KIAA1549L: variants seen among roughly 807,000 people sequenced by gnomAD.
KIAA1549L encodes UPF0606 protein KIAA1549L.
KIAA1549L carries 88 observed loss-of-function variants against 160.7 expected under a neutral mutation model. That is an observed-to-expected ratio of 0.55 (90% CI 0.46 to 0.65). KIAA1549L has a LOEUF of 0.65. Among genes scored for constraint, KIAA1549L ranks in the 30% least tolerant of loss-of-function variants. KIAA1549L has a pLI of 0.00. For missense variants in KIAA1549L, 2,258 were observed against 2,437.5 expected (o/e 0.93, Z 1.55); for synonymous variants, 950 against 976.7 (o/e 0.97, Z 0.51).
At chr11:33,474,400 G>T (rs1156644257) in intron 1 of KIAA1549L, among the ~76,000 whole-genome samples, 1 of 152,166 alleles carries the variant, frequency 6.6e-6, no homozygotes, top group Non-Finnish European at 1.5e-5. Context: ...CCTTTCCCTT[G>T]CTCGTTGCTC....
intron 1 of KIAA1549L, among the ~76,000 whole-genome samples, chr11:33,386,251 A>G (rs1173997083): frequency 6.6e-6 from 1 of 152,190 alleles, no homozygotes; most frequent in Admixed American, 6.5e-5. Flanking sequence ...GGCTGAGGAA[A>G]TTCCCTTCTC....
intron 20 of KIAA1549L, among the ~76,000 whole-genome samples, chr11:33,664,165 A>T (rs535060843): frequency 2.9e-4 from 44 of 152,326 alleles, no homozygotes; most frequent in African/African-American, 9.9e-4. Flanking sequence ...GGGAAATCAA[A>T]GTCCCAACTT....
At chr11:33,471,572 G>C (rs1247102283) in intron 1 of KIAA1549L, among the ~76,000 whole-genome samples, 1 of 151,974 alleles carries the variant, frequency 6.6e-6, no homozygotes, top group Non-Finnish European at 1.5e-5. Context: ...TTCCTTCTTA[G>C]AAGTCTCATT....
intron 1 of KIAA1549L, among the ~76,000 whole-genome samples, chr11:33,432,689 C>G (rs1851274611): frequency 6.6e-6 from 1 of 152,164 alleles, no homozygotes; most frequent in South Asian, 2.1e-4. Context: ...AACTATACTA[C>G]AAGTCTACAG....
intron 1 of KIAA1549L, among the ~76,000 whole-genome samples, chr11:33,405,304 A>G (rs1191365432): frequency 6.6e-6 from 1 of 152,178 alleles, no homozygotes; most frequent in Admixed American, 6.5e-5. Flanking sequence ...AAAGAATATA[A>G]CAGAAAACCA....
At chr11:33,604,049 A>G (rs72915037) in intron 13 of KIAA1549L, among the ~76,000 whole-genome samples, 2,576 of 152,240 alleles carry the variant, frequency 0.017, 36 homozygotes, top group Non-Finnish European at 0.029. Context: ...TATTTTAGGG[A>G]TAGAGGGAGA....
chr11:33,553,939 G>A (rs1312011095), intron 6 of KIAA1549L, among the ~76,000 whole-genome samples: 4 of 152,212 alleles, frequency 2.6e-5, no homozygotes, highest in Non-Finnish European at 5.9e-5. Context: ...GATAGGAGGT[G>A]ATTCGAAGAT....
At chr11:33,655,912 G>A (rs1852047977) in intron 17 of KIAA1549L, 100 bp from the exon 18 acceptor site, 1 of 780,846 alleles carries the variant, frequency 1.3e-6, no homozygotes, top group Non-Finnish European at 2.2e-6. Context: ...GGCAGAGTCT[G>A]ACCCTTGGAA....
intron 1 of KIAA1549L, among the ~76,000 whole-genome samples, chr11:33,441,491 G>A (rs1319100370): frequency 6.1e-5 from 6 of 97,810 alleles, no homozygotes; most frequent in East Asian, 2.4e-4. Flanking sequence ...CTGAGGAATC[G>A]CCACACGACT....
At chr11:33,655,914 C>A (rs1852048062) in intron 17 of KIAA1549L, 98 bp from the exon 18 acceptor site, 1 of 789,148 alleles carries the variant, frequency 1.3e-6, no homozygotes, top group South Asian at 1.5e-5. Context: ...CAGAGTCTGA[C>A]CCTTGGAAGT....
chr11:33,455,904 C>T (rs2132984387), intron 1 of KIAA1549L, among the ~76,000 whole-genome samples: 1 of 152,292 alleles, frequency 6.6e-6, no homozygotes, highest in South Asian at 2.1e-4. Context: ...GTTTCTTTCT[C>T]ACATACATGT....
Position 33,544,932 on chromosome 11 carries a change from C to G in KIAA1549L, c.2939C>G (p.Thr980Ser), listed in dbSNP as rs1854186352. ...CCAGCTAAGAGCAGTTCGATGACTA[C>G]TCTTGCTAAAAATGTCACAAACAAG... ...SGPAKSSSMT[T>S]LAKNVTNKAA... Residue 980 changes from threonine to serine, a missense_variant, in exon 3 of 21, where the codon ACT becomes AGT. Thr to Ser is a moderately conservative substitution (Grantham distance 58). Transcript: ENST00000658780. 1 of 1,613,608 alleles carries G rather than the reference C, an allele frequency of 6.2e-7. No homozygotes were observed. Among genetic ancestry groups the G allele is most frequent in the Non-Finnish European group, 8.5e-7 (1 of 1,179,694 alleles).
chr11:33,583,607 C>G, intron 11 of KIAA1549L, 106 bp downstream of exon 11: 4 of 1,005,678 alleles, frequency 4.0e-6, no homozygotes, highest in Middle Eastern at 2.5e-4. Context: ...GCAGAAACAT[C>G]AGGGCAGGTC....
At chr11:33,624,554 A>T (rs906860295) in intron 16 of KIAA1549L, among the ~76,000 whole-genome samples, 7 of 152,150 alleles carry the variant, frequency 4.6e-5, no homozygotes, top group Non-Finnish European at 8.8e-5. Flanking sequence ...AAATTCAGTA[A>T]TACGAGTCCT....
chr11:33,463,834 C>G (rs1185982198), intron 1 of KIAA1549L, among the ~76,000 whole-genome samples: 1 of 152,200 alleles, frequency 6.6e-6, no homozygotes, highest in Admixed American at 6.5e-5. Context: ...CCATTATTAA[C>G]AATGAATTTT....
chr11:33,585,806 A>G (rs952008919), intron 11 of KIAA1549L, among the ~76,000 whole-genome samples: 7 of 152,218 alleles, frequency 4.6e-5, no homozygotes, highest in Non-Finnish European at 1.0e-4. Context: ...GTGGTTTTCC[A>G]TAGCTCCTTC....
rs1403876279 is a variant in KIAA1549L at position 33,542,244 on chromosome 11, T to A, written c.681T>A (p.Thr227=). Residue 227 remains threonine, a synonymous_variant, in exon 2 of 21, where the codon ACT becomes ACA. Transcript: ENST00000658780. ...CATCCCAGCCAGTATGGGCAGGGAC[T>A]TCCTCCATTTCAAAGCATCCCCCAA... The part of the protein sequence containing the change: ...VPPSQPVWAG[T]SSISKHPPRS... 1.5e-6 allele frequency: 1 copy of A among 656,698 alleles called. No homozygotes were observed. The allele number at this position is 656,698 out of a possible 1,614,324, so 40.7% of individuals were successfully genotyped here.
At chr11:33,617,596 A>T (rs1337245955) in intron 15 of KIAA1549L, among the ~76,000 whole-genome samples, 1 of 152,186 alleles carries the variant, frequency 6.6e-6, no homozygotes, top group African/African-American at 2.4e-5. Flanking sequence ...GTTGTCTCCC[A>T]TCCTAGTCCC....
chr11:33,456,724 T>C (rs906544146), intron 1 of KIAA1549L, among the ~76,000 whole-genome samples: 1 of 152,222 alleles, frequency 6.6e-6, no homozygotes, highest in Non-Finnish European at 1.5e-5. Flanking sequence ...CTCTTTCTTA[T>C]GTCTTTCTTT....
Sources: gnomAD v4.1 joint callset for allele counts (sites outside exome capture counted in the v4.1 genomes callset) on GRCh38, gnomAD v4.1.1 for gene constraint, MANE v1.5 for transcripts, NCBI Gene and HGNC (gene_info 2026-07-23, HGNC 2026-07-21) for gene names.